Variants in ANKFN1 observed in about 807,000 individuals in gnomAD.
The protein encoded by ANKFN1 is ankyrin repeat and fibronectin type-III domain-containing protein 1.
ANKFN1 carries 74 observed loss-of-function variants against 108.7 expected under a neutral mutation model. The ratio of observed to expected loss-of-function variants is 0.68; its 90% CI spans 0.56 to 0.83. The LOEUF (loss-of-function observed/expected upper bound fraction) is 0.83. ANKFN1 is among the 40% of genes least tolerant of loss of function. ANKFN1 has a pLI of 0.00. For missense variants in ANKFN1, 1,505 were observed against 1,382.3 expected, an observed-to-expected ratio of 1.09 and a Z score of -1.41; for synonymous variants, 547 against 516.2, an observed-to-expected ratio of 1.06 and a Z score of -0.81.
intron 3 of ANKFN1, among the ~76,000 whole-genome samples, chr17:56,258,665 C>G (rs1451492616): frequency 6.6e-6 from 1 of 152,206 alleles, no homozygotes; most frequent in Non-Finnish European, 1.5e-5. Context: ...AATCCCAGCA[C>G]TTTGGGAGGC....
intron 4 of ANKFN1, among the ~76,000 whole-genome samples, chr17:56,117,588 C>T (rs1314567342): frequency 1.3e-5 from 2 of 152,120 alleles, no homozygotes; most frequent in African/African-American, 4.8e-5. Flanking sequence ...GTTAGGCTTT[C>T]TGTTCTTTCT....
chr17:56,407,851 C>T (rs1041100762), intron 8 of ANKFN1, among the ~76,000 whole-genome samples: 6 of 151,472 alleles, frequency 4.0e-5, no homozygotes, highest in Non-Finnish European at 8.8e-5. Flanking sequence ...ACGCCAATTA[C>T]TACAACTGTT....
At chr17:56,137,743 T>C (rs1278958509) in intron 4 of ANKFN1, among the ~76,000 whole-genome samples, 3 of 152,198 alleles carry the variant, frequency 2.0e-5, no homozygotes, top group African/African-American at 4.8e-5. Flanking sequence ...CCTAGCCAGA[T>C]AGTGTTTAAG....
At chr17:56,094,796 A>AG (rs1456031990) in intron 4 of ANKFN1, among the ~76,000 whole-genome samples, 1 of 150,122 alleles carries the variant, frequency 6.7e-6, no homozygotes, top group African/African-American at 2.5e-5. Context: ...TCGGGATTAC[A>AG]GGCATGAGCC....
In ANKFN1 at chr17:56,369,837, A is replaced by G. The variant is rs558209224; in HGVS notation, c.602-2809A>G. The stretch of plus-strand genomic sequence containing the variant: ...CAGTGCTTCTCTGACTTGTCCATGC[A>G]ATTACTTTTAACAACAGATGCAAAT... On this transcript the variant is annotated intron_variant, in intron 6 of 20. Coordinates refer to ENST00000682825, the MANE Select transcript of ANKFN1 (RefSeq NM_001370326.1). Among the ~76,000 whole-genome samples, 20 of 152,336 alleles carry G rather than the reference A, an allele frequency of 1.3e-4. 1 individual carries two copies. The highest frequency in any genetic ancestry group is 6.8e-3 in the Middle Eastern group (2 of 292).
chr17:56,066,905 C>T (rs1905065240), intron 4 of ANKFN1, among the ~76,000 whole-genome samples: 1 of 152,146 alleles, frequency 6.6e-6, no homozygotes, highest in African/African-American at 2.4e-5. Flanking sequence ...AAGTTTCCTT[C>T]CTAGGCCAGG....
chr17:56,388,001 G>A (rs2047323727), intron 8 of ANKFN1, among the ~76,000 whole-genome samples: 1 of 151,990 alleles, frequency 6.6e-6, no homozygotes, highest in Non-Finnish European at 1.5e-5. Context: ...AGCTTATAAT[G>A]AAAAATAGGC....
chr17:56,266,766 A>G (rs776375183), intron 3 of ANKFN1, among the ~76,000 whole-genome samples: 3 of 152,144 alleles, frequency 2.0e-5, no homozygotes, highest in Non-Finnish European at 4.4e-5. Context: ...GAACCATGTG[A>G]CCAATTTTCC....
rs1263759720 is a variant in ANKFN1 at position 56,511,812 on chromosome 17, C to A, written c.*543C>A. Among the ~76,000 whole-genome samples the A allele has an allele frequency of 6.6e-6, 1 of 152,170 alleles. No homozygotes were observed. The highest frequency in any genetic ancestry group is 2.1e-4 in the South Asian group (1 of 4,818). ...TCCCTGTCAGCTAAACTAGGTCATT[C>A]CAAAGTGCAGAATTCTCAGGGCTCA... is the stretch of plus-strand genomic sequence containing the variant. On this transcript the variant is annotated 3_prime_UTR_variant, in exon 21 of 21. Coordinates refer to ENST00000682825, the MANE Select transcript of ANKFN1 (RefSeq NM_001370326.1).
At chr17:56,227,725 A>T in intron 2 of ANKFN1, among the ~76,000 whole-genome samples, 192 bp from the exon 3 acceptor site, 1 of 152,038 alleles carries the variant, frequency 6.6e-6, no homozygotes, top group East Asian at 1.9e-4. Context: ...AGCTAGCATG[A>T]ATGTTTTTTC....
At chr17:56,370,442 G>T (rs1406037738) in intron 6 of ANKFN1, among the ~76,000 whole-genome samples, 2 of 152,164 alleles carry the variant, frequency 1.3e-5, no homozygotes, top group Non-Finnish European at 2.9e-5. Context: ...AAAATTAATA[G>T]TGGGGATTTC....
chr17:56,485,779 G>A (rs2050836709), intron 18 of ANKFN1, among the ~76,000 whole-genome samples: 1 of 152,270 alleles, frequency 6.6e-6, no homozygotes, highest in East Asian at 1.9e-4. Context: ...GGATGTGATA[G>A]CCCTAGAACA....
intron 8 of ANKFN1, among the ~76,000 whole-genome samples, chr17:56,420,101 G>T (rs537292195): frequency 1.3e-5 from 2 of 152,182 alleles, no homozygotes; most frequent in South Asian, 4.1e-4. Flanking sequence ...ATTGCACCAC[G>T]TTATTCCCTC....
intron 15 of ANKFN1, among the ~76,000 whole-genome samples, chr17:56,467,803 A>G (rs2050160751): frequency 1.1e-4 from 3 of 26,296 alleles, no homozygotes; most frequent in African/African-American, 5.2e-4. Context: ...AGAAAGAAAG[A>G]AAGAAAGAAA....
intron 4 of ANKFN1, among the ~76,000 whole-genome samples, chr17:56,092,336 G>A (rs1011487116): frequency 2.8e-5 from 4 of 143,902 alleles, no homozygotes; most frequent in Admixed American, 7.0e-5. Flanking sequence ...GTGCAGTGGC[G>A]CAATCTCGGC....
At chr17:56,455,534 T>C (rs988488761) in intron 11 of ANKFN1, among the ~76,000 whole-genome samples, 1 of 152,230 alleles carries the variant, frequency 6.6e-6, no homozygotes, top group Non-Finnish European at 1.5e-5. Context: ...TTTCTATGCC[T>C]AACAGCAGTC....
intron 1 of ANKFN1, among the ~76,000 whole-genome samples, chr17:56,158,216 C>T (rs1191088897): frequency 6.6e-6 from 1 of 152,182 alleles, no homozygotes; most frequent in African/African-American, 2.4e-5. Flanking sequence ...GAGCAACTCC[C>T]CTCACATACA....
Position 56,176,446 on chromosome 17 carries a change from G to A in ANKFN1, c.-71+22916G>A, listed in dbSNP as rs148874288. On this transcript the variant is annotated intron_variant, in intron 1 of 20. Transcript: ENST00000682825. The stretch of plus-strand genomic sequence containing the variant: ...GTTTGGATTTGATGGATATGCACTT[G>A]GGAATGCACGGGATCGGAGTGTTTG... Among the ~76,000 whole-genome samples, 937 of 152,294 alleles carry A rather than the reference G, an allele frequency of 6.2e-3. 2 individuals carry two copies. Among genetic ancestry groups the A allele is most frequent in the Middle Eastern group, 0.01 (3 of 294 alleles).
At chr17:56,423,955 A>C (rs1164940455) in intron 8 of ANKFN1, among the ~76,000 whole-genome samples, 1 of 152,240 alleles carries the variant, frequency 6.6e-6, no homozygotes, top group Non-Finnish European at 1.5e-5. Context: ...ACCTGAGTAC[A>C]TAAAGATGTT....
Sources: gnomAD v4.1 joint callset for allele counts (sites outside exome capture counted in the v4.1 genomes callset) on GRCh38, gnomAD v4.1.1 for gene constraint, MANE v1.5 for transcripts, NCBI Gene and HGNC (gene_info 2026-07-23, HGNC 2026-07-21) for gene names.